The following DNHD1 variants were observed in gnomAD, a reference collection of about 807,000 sequenced individuals.
DNHD1 encodes the protein dynein heavy chain domain-containing protein 1.
DNHD1 carries 383 observed loss-of-function variants against 458.1 expected under a neutral mutation model. That is an observed-to-expected ratio of 0.84 (90% confidence interval 0.77 to 0.91). The LOEUF (loss-of-function observed/expected upper bound fraction) is 0.91, where lower values mean the gene tolerates loss of function less well. DNHD1 is among the 40% of genes least tolerant of loss of function. The pLI is 0.00. For synonymous variants in DNHD1, 2,203 were observed against 2,376.9 expected, an observed-to-expected ratio of 0.93 and a Z score of 2.13; for missense variants, 5,336 against 5,866.1, an observed-to-expected ratio of 0.91 and a Z score of 2.95.
At position 6,537,351 on chromosome 11, in the gene DNHD1, CTCATTCATTCAT is replaced by C. The variant is rs1044277561; in HGVS notation, c.2999-1020_2999-1009del. 2.0e-5 allele frequency among the ~76,000 whole-genome samples: 3 copies of C among 152,024 alleles called. No homozygotes were observed. The East Asian group carries it at 5.8e-4, about 29-fold the overall frequency. Reference sequence around the variant, plus strand: ...TTCTTTTGGGCTGACAGTTCATTCGCTCATTCATTCATTCATTCATTCAACACATATTTGTTG... The same window carrying C: ...TTCTTTTGGGCTGACAGTTCATTCGCTCATTCATTCAACACATATTTGTTG... On this transcript the variant is annotated intron_variant, in intron 14 of 42. Transcript: ENST00000254579.
At position 6,571,961 on chromosome 11, in the gene DNHD1, A is replaced by G. The variant is rs201072533; in HGVS notation, c.14237A>G (p.His4746Arg). 1.2e-6 allele frequency: 2 copies of G among 1,611,900 alleles called. No homozygotes were observed. Among genetic ancestry groups the G allele is most frequent in the Non-Finnish European group, 8.5e-7 (1 of 1,178,374 alleles). Residue 4746 changes from histidine (H) to arginine (R), a missense_variant, in exon 43 of 43, where the codon CAT becomes CGT. Transcript: ENST00000254579. This position sits in a 1 kb window ranked among gnomAD's most constrained non-coding sequence, Gnocchi z 5.0. ...TPNTCVQRRV[H>R]VCSPPLS is the part of the protein sequence containing the mutation. ...AACACCTGTGTCCAAAGGAGGGTCCATGTGTGCAGCCCACCCCTGTCTTGA... is the reference window on the plus strand; with the variant it reads ...AACACCTGTGTCCAAAGGAGGGTCCGTGTGTGCAGCCCACCCCTGTCTTGA...
chr11:6,569,930 T>G, intron 39 of DNHD1, 79 bp from the exon 40 acceptor site: 1 of 1,279,206 alleles, frequency 7.8e-7, no homozygotes, highest in Non-Finnish European at 1.1e-6. Context: ...AGGAGAGAGG[T>G]TTGAACTGAA....
At chr11:6,539,017 G>A (rs746099643) in intron 16 of DNHD1, among the ~76,000 whole-genome samples, 35 of 152,152 alleles carry the variant, frequency 2.3e-4, no homozygotes, top group Non-Finnish European at 4.6e-4. Context: ...GATGGTGGCT[G>A]GGCTTGGGCT....
At chr11:6,536,751 TC>T (rs914779198) in intron 14 of DNHD1, among the ~76,000 whole-genome samples, 1 of 152,236 alleles carries the variant, frequency 6.6e-6, no homozygotes, top group African/African-American at 2.4e-5. Flanking sequence ...TTGCTCTTAA[TC>T]CCCAGTTTGT....
At position 6,528,578 on chromosome 11, in the gene DNHD1, C is replaced by T; in HGVS notation, c.1894C>T (p.Gln632Ter). The T allele has an allele frequency of 6.4e-7, 1 of 1,551,508 alleles. No individual in the cohort carries two copies. Among genetic ancestry groups the T allele is most frequent in the South Asian group, 1.2e-5 (1 of 84,056 alleles). The change falls in exon 11 of 43, where the codon CAG (glutamine) becomes TAG (stop). Residue 632 changes from glutamine to a stop codon, truncating the protein, a stop_gained. Coordinates refer to ENST00000254579, the MANE Select transcript of DNHD1 (RefSeq NM_144666.3). LOFTEE classifies it high-confidence loss of function. ...ATTTCTGATGCCCAAGTTCCAGGGC[C>T]AGCCCAGCGATGCTGTGAGCATCTT... ...DEFLMPKFQG[Q>*]PSDAVSIFCG...
rs775433040 is a variant in DNHD1, at chr11:6,570,889, C to T, written c.13377C>T (p.His4459=). ...RLESLQDLLT[H]VIRQDESDAP... ...AGTCACTGCAGGATCTGCTGACCCA[C>T]GTGATTCGCCAAGACGAGTCCGACG... is the stretch of plus-strand genomic sequence containing the variant. Residue 4459 remains histidine, a synonymous_variant, in exon 42 of 43, where the codon CAC becomes CAT. Coordinates refer to ENST00000254579, the MANE Select transcript of DNHD1 (RefSeq NM_144666.3). The T allele has an allele frequency of 3.7e-6, 6 of 1,613,928 alleles. No homozygotes were observed. Among genetic ancestry groups the T allele is most frequent in the Non-Finnish European group, 5.1e-6 (6 of 1,179,806 alleles).
At position 6,565,975 on chromosome 11, in the gene DNHD1, G is replaced by C. The variant is rs1397307324; in HGVS notation, c.11037G>C (p.Gln3679His). Residue 3679 changes from glutamine to histidine, a missense_variant, in exon 33 of 43, where the codon CAG (glutamine) becomes CAC (histidine). Physicochemically the swap from Gln to His is conservative, Grantham distance 24 (BLOSUM62 0). Coordinates refer to ENST00000254579, the MANE Select transcript of DNHD1 (RefSeq NM_144666.3). ...ACCCAGAGCTGGGTTCTCAGCTCCA[G>C]GAGGCAGCTGCTTGTGGTGAGAGCT... ...GADPELGSQL[Q>H]EAAACGLPVL... 7 of 1,551,632 alleles carry C rather than the reference G, an allele frequency of 4.5e-6. No individual in the cohort carries two copies. In the African/African-American group the frequency reaches 9.6e-5, roughly 21 times the overall value.
At chr11:6,518,604 C>T (rs1438735055) in intron 7 of DNHD1, among the ~76,000 whole-genome samples, 3 of 152,138 alleles carry the variant, frequency 2.0e-5, no homozygotes, top group African/African-American at 7.2e-5. Flanking sequence ...TAAGGTGTAA[C>T]AGAGATCGCC....
rs1473881022 is a variant in DNHD1 at position 6,498,950 on chromosome 11, A to T, written c.735A>T (p.Arg245Ser). Residue 245 changes from arginine (R) to serine (S), a missense_variant, in exon 3 of 43, where the codon AGA (arginine) becomes AGT (serine). This residue lies in a region of DNHD1 where 3,932 missense variants were observed against 4,365.6 expected (regional missense o/e 0.90). Transcript: ENST00000254579. Reference protein sequence around the residue: ...TDNAEVEPVGRKETRSQLDYE... With the variant: ...TDNAEVEPVGSKETRSQLDYE... ...ATGCAGAGGTGGAGCCTGTTGGAAG[A>T]AAAGAGACCAGGTAAGTGAGGGACT... is the stretch of plus-strand genomic sequence containing the variant. 1.2e-6 allele frequency: 2 copies of T among 1,601,168 alleles called. No homozygotes were observed. Among genetic ancestry groups the T allele is most frequent in the Non-Finnish European group, 1.7e-6 (2 of 1,173,102 alleles).
intron 7 of DNHD1, among the ~76,000 whole-genome samples, chr11:6,516,007 C>T (rs1016118377): frequency 9.2e-5 from 14 of 151,788 alleles, no homozygotes; most frequent in Non-Finnish European, 1.9e-4. Context: ...AGGCTGGTCT[C>T]GAACTCCAAG....
intron 10 of DNHD1, among the ~76,000 whole-genome samples, chr11:6,521,404 A>G (rs964919424): frequency 3.9e-5 from 6 of 152,192 alleles, no homozygotes; most frequent in Non-Finnish European, 7.4e-5. Context: ...TTGCATTTTT[A>G]TTCTAAATTC....
At chr11:6,509,335 T>A in intron 6 of DNHD1, 63 bp downstream of exon 6, 1 of 1,406,530 alleles carries the variant, frequency 7.1e-7, no homozygotes, top group Non-Finnish European at 9.8e-7. Flanking sequence ...AAGGTAATAG[T>A]ATGTTTGTTG....
In DNHD1 at chr11:6,512,429, A is replaced by T. The variant is rs61876827; in HGVS notation, c.1392+1000A>T. On this transcript the variant is annotated intron_variant, in intron 7 of 42. Coordinates refer to ENST00000254579, the MANE Select transcript of DNHD1 (RefSeq NM_144666.3). ...AGTAGAGATGGGGTTTCACTGTGTT[A>T]GCCAGGATGGTCTTGATCTCCTGAC... 1.9e-3 allele frequency among the ~76,000 whole-genome samples: 291 copies of T among 151,548 alleles called. 1 individual carries two copies. The highest frequency in any genetic ancestry group is 2.5e-3 in the African/African-American group (103 of 41,292).
In DNHD1 at chr11:6,520,029, A is replaced by G. The variant is rs776078547; in HGVS notation, c.1712A>G (p.His571Arg). 5.6e-6 allele frequency: 9 copies of G among 1,614,084 alleles called. No homozygotes were observed. The Admixed American group carries it at 1.0e-4, about 18-fold the overall frequency. ...TTTGATGATCATGGTCAACTGTCTC[A>G]TGTGCCCTGTGTTGAAAATATGATC... ...LVFDDHGQLS[H>R]VPCVENMIQT... Residue 571 changes from histidine (H) to arginine (R), a missense_variant, in exon 9 of 43, where the codon CAT becomes CGT. Coordinates refer to ENST00000254579, the MANE Select transcript of DNHD1 (RefSeq NM_144666.3).
chr11:6,522,889 T>A (rs1474742132), intron 10 of DNHD1, among the ~76,000 whole-genome samples: 1 of 152,216 alleles, frequency 6.6e-6, no homozygotes, highest in African/African-American at 2.4e-5. Flanking sequence ...AATAAAATAG[T>A]TGCAACATAT....
chr11:6,552,783 G>A (rs1488271291), intron 24 of DNHD1, among the ~76,000 whole-genome samples: 1 of 151,810 alleles, frequency 6.6e-6, no homozygotes, highest in Non-Finnish European at 1.5e-5. Flanking sequence ...CAACATATGG[G>A]GATTACAATT....
In DNHD1 at chr11:6,511,413, C is replaced by T. The variant is rs759699046; in HGVS notation, c.1376C>T (p.Thr459Ile). ...RLLHRCLNLC[T>I]SILRLVHEDT... ...CTCCATCGTTGCCTAAACCTCTGCA[C>T]ATCCATTCTTCGACTGGTAAGAGGC... The change falls in exon 7 of 43, where the codon ACA becomes ATA. Residue 459 changes from threonine to isoleucine, a missense_variant. Thr to Ile is a moderately conservative substitution (Grantham distance 89). Transcript: ENST00000254579. 3 of 1,614,100 alleles carry T rather than the reference C, an allele frequency of 1.9e-6. No homozygotes were observed. The highest frequency in any genetic ancestry group is 1.7e-5 in the Admixed American group (1 of 60,010).
chr11:6,566,003 T>C lies in DNHD1; in HGVS notation c.11053+12T>C. On this transcript the variant is annotated intron_variant, in intron 33 of 42. Transcript: ENST00000254579. ...GGCAGCTGCTTGTGGTGAGAGCTGG[T>C]CCCCACCCACCCTGGCCCCTTTTTG... 1.3e-6 allele frequency: 2 copies of C among 1,509,090 alleles called. No individual in the cohort carries two copies. The highest frequency in any genetic ancestry group is 1.8e-6 in the Non-Finnish European group (2 of 1,110,816). The allele number at this position is 1,509,090 out of a possible 1,614,324, so 93.5% of individuals were successfully genotyped here.
intron 7 of DNHD1, among the ~76,000 whole-genome samples, chr11:6,518,424 T>A (rs926974540): frequency 6.6e-6 from 1 of 152,242 alleles, no homozygotes; most frequent in Non-Finnish European, 1.5e-5. Flanking sequence ...TAAAAATGTA[T>A]ACTGATTACG....
Sources: gnomAD v4.1 joint callset for allele counts (sites outside exome capture counted in the v4.1 genomes callset) on GRCh38, gnomAD v4.1.1 for gene constraint, gnomAD v4.1.1 regional missense constraint, Gnocchi (gnomAD v3.1) non-coding constraint, MANE v1.5 for transcripts, NCBI Gene and HGNC (gene_info 2026-07-23, HGNC 2026-07-21) for gene names.